Variants in LRRC4C observed in about 807,000 individuals in gnomAD.
The protein encoded by LRRC4C is leucine-rich repeat-containing protein 4C.
A neutral mutation model predicts 33.6 loss-of-function variants in LRRC4C; 5 were observed. The observed-to-expected ratio is 0.15, with a 90% CI of 0.08 to 0.31. The LOEUF is 0.31. Among genes scored for constraint, LRRC4C ranks in the 10% least tolerant of loss-of-function variants. The pLI, the probability that LRRC4C is intolerant of heterozygous loss-of-function variation, is 1.00. For missense variants in LRRC4C, 560 were observed against 796.7 expected, an observed-to-expected ratio of 0.70 and a Z score of 3.58; for synonymous variants, 329 against 302.0, an observed-to-expected ratio of 1.09 and a Z score of -0.93.
At chr11:40,164,563 A>G (rs114073161) in intron 5 of LRRC4C, among the ~76,000 whole-genome samples, 3 of 152,152 alleles carry the variant, frequency 2.0e-5, no homozygotes, top group Admixed American at 2.0e-4. Flanking sequence ...AGCAACATAA[A>G]TGGAACTGGA....
chr11:41,234,098 A>G (rs1947919280), intron 1 of LRRC4C, among the ~76,000 whole-genome samples: 1 of 151,994 alleles, frequency 6.6e-6, no homozygotes, highest in African/African-American at 2.4e-5. Context: ...GGTCATTAAT[A>G]TATCTTAGGG....
At chr11:41,260,120 G>T (rs1414009376) in intron 1 of LRRC4C, among the ~76,000 whole-genome samples, 1 of 151,972 alleles carries the variant, frequency 6.6e-6, no homozygotes, top group Non-Finnish European at 1.5e-5. Context: ...ATAGGGATAT[G>T]CTGCCTTTCA....
At chr11:40,828,661 T>G (rs1259907656) in intron 2 of LRRC4C, among the ~76,000 whole-genome samples, 1 of 151,964 alleles carries the variant, frequency 6.6e-6, no homozygotes, top group Non-Finnish European at 1.5e-5. Context: ...TAAACAAGAT[T>G]GGTTGCTGTT....
At chr11:41,219,753 C>T (rs1309020428) in intron 1 of LRRC4C, among the ~76,000 whole-genome samples, 1 of 152,160 alleles carries the variant, frequency 6.6e-6, no homozygotes, top group African/African-American at 2.4e-5. Flanking sequence ...GGGGATGAAC[C>T]AGATGAAGTT....
At chr11:40,984,288 G>GGA (rs371857938) in intron 1 of LRRC4C, among the ~76,000 whole-genome samples, 3,820 of 130,920 alleles carry the variant, frequency 0.029, 50 homozygotes, top group Middle Eastern at 0.049. Context: ...AGGGAGAGAG[G>GGA]GAGAGAGAGA....
intron 1 of LRRC4C, among the ~76,000 whole-genome samples, chr11:41,387,471 A>G (rs1423584787): frequency 6.6e-6 from 1 of 151,716 alleles, no homozygotes; most frequent in Non-Finnish European, 1.5e-5. Context: ...GGAGAAGTCC[A>G]AGAAGAAAAT....
intron 1 of LRRC4C, among the ~76,000 whole-genome samples, chr11:41,034,731 G>C (rs114906523): frequency 0.073 from 10,726 of 146,866 alleles, 523 homozygotes; most frequent in South Asian, 0.13. Context: ...ATGGAGCATA[G>C]CGGCTATACA....
At chr11:40,946,236 C>A (rs77074877) in intron 1 of LRRC4C, among the ~76,000 whole-genome samples, 10,481 of 152,182 alleles carry the variant, frequency 0.069, 534 homozygotes, top group Admixed American at 0.16. Flanking sequence ...TGGCCTCCAG[C>A]TGCATTCACG....
intron 1 of LRRC4C, among the ~76,000 whole-genome samples, chr11:41,413,104 G>T (rs1247066404): frequency 6.6e-6 from 1 of 151,136 alleles, no homozygotes; most frequent in Non-Finnish European, 1.5e-5. Context: ...ATTGATTAGA[G>T]CAGGAAAGTT....
chr11:40,245,971 AC>A (rs1565181072), intron 4 of LRRC4C, among the ~76,000 whole-genome samples: 3 of 138,938 alleles, frequency 2.2e-5, no homozygotes, highest in African/African-American at 7.6e-5. Flanking sequence ...TAAAGTCCTA[AC>A]TTTTTTTTTT....
At chr11:40,379,110 G>T (rs1162806420) in intron 3 of LRRC4C, among the ~76,000 whole-genome samples, 1 of 152,204 alleles carries the variant, frequency 6.6e-6, no homozygotes, top group Non-Finnish European at 1.5e-5. Flanking sequence ...AGGAGATAAA[G>T]TTATAAAGAG....
chr11:41,232,817 C>T (rs1947859388), intron 1 of LRRC4C, among the ~76,000 whole-genome samples: 1 of 151,668 alleles, frequency 6.6e-6, no homozygotes, highest in African/African-American at 2.4e-5. Context: ...AAGTAACACA[C>T]AGTCAAATAA....
chr11:41,056,240 C>T (rs16935320), intron 1 of LRRC4C, among the ~76,000 whole-genome samples: 9,853 of 152,184 alleles, frequency 0.065, 399 homozygotes, highest in African/African-American at 0.1. Flanking sequence ...GACTCCAGCC[C>T]TCACAATCCA....
intron 5 of LRRC4C, among the ~76,000 whole-genome samples, chr11:40,155,431 A>G (rs1252599616): frequency 6.6e-6 from 1 of 152,176 alleles, no homozygotes; most frequent in Non-Finnish European, 1.5e-5. Context: ...TTCTTTGAAA[A>G]GATACATAAA....
intron 5 of LRRC4C, among the ~76,000 whole-genome samples, chr11:40,236,748 G>T (rs1170548099): frequency 1.3e-5 from 2 of 152,038 alleles, no homozygotes; most frequent in Admixed American, 6.6e-5. Context: ...ACTTGAGAGG[G>T]AGCTGCCCTG....
intron 1 of LRRC4C, among the ~76,000 whole-genome samples, chr11:40,986,408 G>T (rs1200602697): frequency 6.6e-6 from 1 of 152,072 alleles, no homozygotes; most frequent in African/African-American, 2.4e-5. Flanking sequence ...GACCAGTGTG[G>T]GCAACATAGC....
intron 1 of LRRC4C, among the ~76,000 whole-genome samples, chr11:41,332,407 T>A (rs1049550432): frequency 6.6e-6 from 1 of 152,174 alleles, no homozygotes; most frequent in African/African-American, 2.4e-5. Context: ...AAATCTGCAA[T>A]GTGCAAGGTT....
At chr11:40,229,890 A>G (rs1865079057) in intron 5 of LRRC4C, among the ~76,000 whole-genome samples, 1 of 152,194 alleles carries the variant, frequency 6.6e-6, no homozygotes, top group South Asian at 2.1e-4. Context: ...TTTTGAGAAC[A>G]CTCAGAGACT....
intron 1 of LRRC4C, among the ~76,000 whole-genome samples, chr11:41,176,842 G>A (rs1467678712): frequency 6.6e-6 from 1 of 152,074 alleles, no homozygotes; most frequent in Non-Finnish European, 1.5e-5. Context: ...GTGTGCACCT[G>A]TAGTCCTAGC....
Sources: allele counts gnomAD v4.1 joint callset (sites outside exome capture counted in the v4.1 genomes callset), GRCh38; gene constraint gnomAD v4.1.1; transcripts MANE v1.5; gene names NCBI Gene and HGNC (gene_info 2026-07-23, HGNC 2026-07-21).